Variants in YIPF4 observed in about 807,000 individuals in gnomAD.
YIPF4 encodes protein YIPF4.
In YIPF4, 18 loss-of-function variants were observed where a neutral mutation model predicts 29.4. The observed-to-expected ratio is 0.61, with a 90% CI of 0.42 to 0.91. The LOEUF (loss-of-function observed/expected upper bound fraction) is 0.91, where lower values mean the gene tolerates loss of function less well. Among genes scored for constraint, YIPF4 ranks in the 40% least tolerant of loss-of-function variants. The pLI, the probability that YIPF4 is intolerant of heterozygous loss-of-function variation, is 0.00. For missense variants in YIPF4, 279 were observed against 282.7 expected (o/e 0.99, Z 0.09); for synonymous variants, 115 against 104.7 (o/e 1.10, Z -0.60).
At position 32,309,569 on chromosome 2, in the gene YIPF4, T is replaced by A. The variant is rs1295161949; in HGVS notation, c.*3943T>A. ...ACAAAATGTTGAATGAAATAATGCT[T>A]CTACAACTTAAAATTATTTTTCATA... On this transcript the variant is annotated 3_prime_UTR_variant, in exon 6 of 6. Coordinates refer to ENST00000238831, the MANE Select transcript of YIPF4 (RefSeq NM_032312.4). 2 of 152,208 alleles carry A rather than the reference T, an allele frequency of 1.3e-5. No individual in the cohort carries two copies. The highest frequency in any genetic ancestry group is 3.8e-4 in the East Asian group (2 of 5,208). The allele number at this position is 152,208 out of a possible 1,614,324, so 9.4% of individuals were successfully genotyped here.
In YIPF4 at chr2:32,311,212, A is replaced by T. The variant is rs1433103563; in HGVS notation, c.*5586A>T. 6.6e-6 allele frequency: 1 copy of T among 152,218 alleles called. No individual in the cohort carries two copies. Among genetic ancestry groups the T allele is most frequent in the Non-Finnish European group, 1.5e-5 (1 of 68,038 alleles). 9.4% of individuals were successfully genotyped at this position (152,218 alleles called of 1,614,324 possible). Reference sequence around the variant, plus strand: ...AAAGTTCTACTTATGAATACATTTTATTTATAACAAACTGGTGAAAATTTT... The same window carrying T: ...AAAGTTCTACTTATGAATACATTTTTTTTATAACAAACTGGTGAAAATTTT... On this transcript the variant is annotated 3_prime_UTR_variant, in exon 6 of 6. Coordinates refer to ENST00000238831, the MANE Select transcript of YIPF4 (RefSeq NM_032312.4).
chr2:32,278,796 G>T (rs1168832351), intron 1 of YIPF4, among the ~76,000 whole-genome samples: 1 of 152,048 alleles, frequency 6.6e-6, no homozygotes, highest in Admixed American at 6.6e-5. Flanking sequence ...ATTGACGCAG[G>T]TATATTGGAA....
chr2:32,282,456 G>A (rs549104830), intron 1 of YIPF4, among the ~76,000 whole-genome samples: 2 of 152,146 alleles, frequency 1.3e-5, no homozygotes, highest in East Asian at 1.9e-4. Flanking sequence ...TTTTTGAGAC[G>A]GAGTCTCGCC....
At chr2:32,292,510 G>A (rs1479971361) in intron 3 of YIPF4, among the ~76,000 whole-genome samples, 162 bp downstream of exon 3, 2 of 152,038 alleles carry the variant, frequency 1.3e-5, no homozygotes, top group Non-Finnish European at 2.9e-5. Flanking sequence ...TTAAATAAGT[G>A]AGGAGTACCT....
chr2:32,295,872 G>T (rs561186213), intron 3 of YIPF4, among the ~76,000 whole-genome samples: 9 of 152,190 alleles, frequency 5.9e-5, no homozygotes, highest in African/African-American at 1.7e-4. Flanking sequence ...CAAAGTGCTG[G>T]GATTACAGGT....
At chr2:32,294,329 A>C (rs1213574824) in intron 3 of YIPF4, among the ~76,000 whole-genome samples, 1 of 147,598 alleles carries the variant, frequency 6.8e-6, no homozygotes, top group East Asian at 2.1e-4. Flanking sequence ...TGCCGGGCGG[A>C]CGGGCTCCTC....
At chr2:32,284,592 C>T in intron 1 of YIPF4, among the ~76,000 whole-genome samples, 1 of 152,172 alleles carries the variant, frequency 6.6e-6, no homozygotes, top group East Asian at 1.9e-4. Flanking sequence ...TGTAAGTTTC[C>T]TAAGGCATAC....
chr2:32,279,433 T>C (rs1253833485), intron 1 of YIPF4, among the ~76,000 whole-genome samples: 1 of 141,618 alleles, frequency 7.1e-6, no homozygotes, highest in African/African-American at 2.7e-5. Context: ...AGTCTCGCTC[T>C]GTCGCCCAGG....
intron 5 of YIPF4, among the ~76,000 whole-genome samples, chr2:32,304,065 TATC>T (rs2031494602): frequency 6.6e-6 from 1 of 152,236 alleles, no homozygotes; most frequent in African/African-American, 2.4e-5. Flanking sequence ...CTCTTTTTTA[TATC>T]ATTAAAAATT....
chr2:32,279,272 A>G (rs1051359012), intron 1 of YIPF4, among the ~76,000 whole-genome samples: 7 of 151,036 alleles, frequency 4.6e-5, no homozygotes, highest in East Asian at 2.0e-4. Context: ...CGCCCCGGCC[A>G]TTTTCAAATT....
chr2:32,287,260 C>T (rs1190025793), intron 1 of YIPF4, among the ~76,000 whole-genome samples: 5 of 152,032 alleles, frequency 3.3e-5, no homozygotes, highest in Non-Finnish European at 5.9e-5. Context: ...AAATGGTATC[C>T]TTATAACTCA....
At chr2:32,288,422 T>G (rs1224659307) in intron 1 of YIPF4, among the ~76,000 whole-genome samples, 1 of 152,172 alleles carries the variant, frequency 6.6e-6, no homozygotes. Context: ...CAGGAAACAG[T>G]TGTTAAGGTC....
At chr2:32,289,171 G>A (rs763466778) in intron 1 of YIPF4, among the ~76,000 whole-genome samples, 5 of 152,078 alleles carry the variant, frequency 3.3e-5, no homozygotes, top group East Asian at 1.9e-4. Flanking sequence ...CTGAGTGAGC[G>A]CCTTTATAAA....
chr2:32,288,338 T>C (rs1225740343), intron 1 of YIPF4, among the ~76,000 whole-genome samples: 1 of 152,198 alleles, frequency 6.6e-6, no homozygotes, highest in Non-Finnish European at 1.5e-5. Context: ...GAGCACAACA[T>C]TCCTTAGCAC....
chr2:32,286,544 GA>G (rs1338804301), intron 1 of YIPF4, among the ~76,000 whole-genome samples: 1 of 151,848 alleles, frequency 6.6e-6, no homozygotes, highest in South Asian at 2.1e-4. Flanking sequence ...ACAAGACTTT[GA>G]AAAAAACATT....
Position 32,288,312 on chromosome 2 carries a change from A to C in YIPF4, c.80-2171A>C, listed in dbSNP as rs72798727. On this transcript the variant is annotated intron_variant, in intron 1 of 5. Coordinates refer to ENST00000238831, the MANE Select transcript of YIPF4 (RefSeq NM_032312.4). ...GCATCTGCGCTATGACAAACTGCTA[A>C]ACATGTACAGTTCTTGAGCACAACA... Among the ~76,000 whole-genome samples the C allele has an allele frequency of 8.4e-3, 1,287 of 152,312 alleles. 14 individuals carry two copies. Among genetic ancestry groups the C allele is most frequent in the Non-Finnish European group, 0.016 (1,065 of 68,024 alleles).
At chr2:32,303,242 C>G (rs935024447) in intron 5 of YIPF4, among the ~76,000 whole-genome samples, 1 of 152,076 alleles carries the variant, frequency 6.6e-6, no homozygotes, top group African/African-American at 2.4e-5. Flanking sequence ...TACCTGTGGT[C>G]CCAGTTCCTT....
intron 3 of YIPF4, among the ~76,000 whole-genome samples, chr2:32,293,824 C>A (rs1395293204): frequency 1.5e-5 from 2 of 135,568 alleles, no homozygotes; most frequent in African/African-American, 2.8e-5. Flanking sequence ...CCGGACGGGG[C>A]GGCTGGCCAG....
intron 5 of YIPF4, among the ~76,000 whole-genome samples, chr2:32,303,409 A>G (rs2031472547): frequency 6.6e-6 from 1 of 152,176 alleles, no homozygotes; most frequent in Admixed American, 6.5e-5. Context: ...TGTTGTTATT[A>G]CAAATATTAT....
Sources: allele counts gnomAD v4.1 joint callset (sites outside exome capture counted in the v4.1 genomes callset), GRCh38; gene constraint gnomAD v4.1.1; transcripts MANE v1.5; gene names NCBI Gene and HGNC (gene_info 2026-07-23, HGNC 2026-07-21).